FGF12: variants seen among roughly 807,000 people sequenced by gnomAD.
The protein encoded by FGF12 is fibroblast growth factor 12.
In FGF12, 14 loss-of-function variants were observed where a neutral mutation model predicts 23.6. The ratio of observed to expected loss-of-function variants is 0.59; its 90% confidence interval spans 0.39 to 0.93. FGF12 has a LOEUF of 0.93. Among genes scored for constraint, FGF12 ranks in the 40% least tolerant of loss-of-function variants. FGF12 has a pLI of 0.00. For synonymous variants in FGF12, 62 were observed against 77.3 expected, an observed-to-expected ratio of 0.80 and a Z score of 1.04; for missense variants, 175 against 217.8, an observed-to-expected ratio of 0.80 and a Z score of 1.24.
At chr3:192,624,329 A>C (rs1715087636) in intron 2 of FGF12, among the ~76,000 whole-genome samples, 1 of 152,172 alleles carries the variant, frequency 6.6e-6, no homozygotes, top group African/African-American at 2.4e-5. Context: ...ATTTAGATGA[A>C]TATCTAAATA....
intron 2 of FGF12, among the ~76,000 whole-genome samples, chr3:192,510,240 C>A (rs1480352041): frequency 6.6e-6 from 1 of 151,966 alleles, no homozygotes; most frequent in Non-Finnish European, 1.5e-5. Flanking sequence ...GCAGAAGGAC[C>A]CAAAATATTG....
In FGF12 at chr3:192,404,935, T is replaced by C. The variant is rs146163362; in HGVS notation, c.14-44397A>G. Among the ~76,000 whole-genome samples, 208 of 152,310 alleles carry C rather than the reference T, an allele frequency of 1.4e-3. 1 individual carries two copies. The highest frequency in any genetic ancestry group is 4.6e-3 in the African/African-American group (191 of 41,580). On this transcript the variant is annotated intron_variant, in intron 2 of 5. Coordinates refer to ENST00000445105, the MANE Select transcript of FGF12 (RefSeq NM_004113.6). Reference sequence around the variant, plus strand: ...TATAAAATAACGATCACAATGATAATAATAATACCAATGGTTAAAACTTTG... The same window carrying C: ...TATAAAATAACGATCACAATGATAACAATAATACCAATGGTTAAAACTTTG...
At chr3:192,400,867 C>T (rs1406162106) in intron 2 of FGF12, among the ~76,000 whole-genome samples, 1 of 152,186 alleles carries the variant, frequency 6.6e-6, no homozygotes, top group Non-Finnish European at 1.5e-5. Context: ...TCTACCTTTA[C>T]CCACTCTTTT....
intron 2 of FGF12, among the ~76,000 whole-genome samples, chr3:192,701,601 C>T (rs1332531001): frequency 6.6e-6 from 1 of 152,068 alleles, no homozygotes; most frequent in East Asian, 1.9e-4. Flanking sequence ...CTACTTGCTG[C>T]GATCTTTACT....
At chr3:192,684,538 C>T (rs180785512) in intron 2 of FGF12, among the ~76,000 whole-genome samples, 1 of 152,224 alleles carries the variant, frequency 6.6e-6, no homozygotes, top group East Asian at 1.9e-4. Flanking sequence ...GAATTGATCC[C>T]TGCAGAAAAA....
chr3:192,500,445 C>CCT (rs1560130708), intron 2 of FGF12, among the ~76,000 whole-genome samples: 5 of 151,658 alleles, frequency 3.3e-5, no homozygotes, highest in African/African-American at 4.9e-5. Flanking sequence ...CATCCCCCCA[C>CCT]CCGCCACACA....
At chr3:192,547,457 T>C (rs547585558) in intron 2 of FGF12, among the ~76,000 whole-genome samples, 10 of 152,218 alleles carry the variant, frequency 6.6e-5, no homozygotes, top group Non-Finnish European at 5.9e-5. Context: ...AATGTCTCTC[T>C]TTCATCACCT....
chr3:192,315,241 G>C (rs565946605), intron 4 of FGF12, among the ~76,000 whole-genome samples: 37 of 152,100 alleles, frequency 2.4e-4, no homozygotes, highest in Non-Finnish European at 5.1e-4. Context: ...CCCATCACAG[G>C]TGTTTAAAAT....
chr3:192,341,242 T>C (rs1413944442), intron 3 of FGF12, among the ~76,000 whole-genome samples: 2 of 152,122 alleles, frequency 1.3e-5, no homozygotes, highest in African/African-American at 4.8e-5. Context: ...CAGATAATTA[T>C]GAGCTGTTAA....
intron 2 of FGF12, among the ~76,000 whole-genome samples, chr3:192,535,647 C>G (rs1197235273): frequency 6.6e-6 from 1 of 152,102 alleles, no homozygotes; most frequent in African/African-American, 2.4e-5. Flanking sequence ...TTGACAGAAG[C>G]AGAATTCAGA....
intron 2 of FGF12, among the ~76,000 whole-genome samples, chr3:192,567,763 T>TTCTC (rs1200513731): frequency 1.5e-5 from 2 of 131,778 alleles, no homozygotes; most frequent in African/African-American, 2.8e-5. Context: ...CTTTCTTTCT[T>TTCTC]TCTTTCTTTC....
At chr3:192,231,776 A>G (rs1249161845) in intron 4 of FGF12, among the ~76,000 whole-genome samples, 1 of 152,148 alleles carries the variant, frequency 6.6e-6, no homozygotes, top group Admixed American at 6.6e-5. Flanking sequence ...TCTCCAAAAA[A>G]AAAAGTAATT....
At chr3:192,399,935 A>G (rs1384086795) in intron 2 of FGF12, among the ~76,000 whole-genome samples, 1 of 152,234 alleles carries the variant, frequency 6.6e-6, no homozygotes, top group African/African-American at 2.4e-5. Context: ...GTTCAGGGTG[A>G]GGAGTGGTGG....
intron 2 of FGF12, among the ~76,000 whole-genome samples, chr3:192,494,689 G>A (rs755414471): frequency 7.2e-5 from 11 of 152,058 alleles, no homozygotes; most frequent in Non-Finnish European, 1.2e-4. Flanking sequence ...ACAACCTACT[G>A]TATCATGCAT....
At chr3:192,195,873 T>C (rs1577224691) in intron 4 of FGF12, among the ~76,000 whole-genome samples, 1 of 152,218 alleles carries the variant, frequency 6.6e-6, no homozygotes, top group Non-Finnish European at 1.5e-5. Flanking sequence ...GTAAGACCAC[T>C]TAACATCCAC....
chr3:192,526,351 T>C (rs1237988004), intron 2 of FGF12, among the ~76,000 whole-genome samples: 1 of 152,174 alleles, frequency 6.6e-6, no homozygotes, highest in Non-Finnish European at 1.5e-5. Context: ...TCATGCAAAC[T>C]AATATATTAT....
chr3:192,480,880 T>C (rs113226100), intron 2 of FGF12, among the ~76,000 whole-genome samples: 18 of 152,210 alleles, frequency 1.2e-4, no homozygotes, highest in South Asian at 1.0e-3. Context: ...TATTGATTGA[T>C]CAAAGTGTTT....
chr3:192,635,494 C>T (rs1472992641), intron 2 of FGF12, among the ~76,000 whole-genome samples: 1 of 152,174 alleles, frequency 6.6e-6, no homozygotes, highest in East Asian at 1.9e-4. Context: ...GTTGATTTTG[C>T]TACGTCACTT....
intron 2 of FGF12, among the ~76,000 whole-genome samples, chr3:192,506,498 GTAGCTGGGATTA>G (rs1724303326): frequency 6.6e-6 from 1 of 152,132 alleles, no homozygotes. Flanking sequence ...AGCCTCCAGA[GTAGCTGGGATTA>G]TAGCTGCGCA....
Sources: allele counts gnomAD v4.1 joint callset (sites outside exome capture counted in the v4.1 genomes callset), GRCh38; gene constraint gnomAD v4.1.1; transcripts MANE v1.5; gene names NCBI Gene and HGNC (gene_info 2026-07-23, HGNC 2026-07-21).